CFAP206: variants seen among roughly 807,000 people sequenced by gnomAD.
CFAP206 encodes cilia- and flagella-associated protein 206.
A neutral mutation model predicts 65.4 loss-of-function variants in CFAP206; 53 were observed. The observed-to-expected ratio is 0.81, with a 90% CI of 0.65 to 1.02. The LOEUF is 1.02. Ranked by LOEUF, CFAP206 falls within the 50% of genes least tolerant of loss-of-function variation. The pLI is 0.00. For synonymous variants in CFAP206, 250 were observed against 254.4 expected (o/e 0.98, Z 0.17); for missense variants, 663 against 753.2 (o/e 0.88, Z 1.40).
intron 7 of CFAP206, among the ~76,000 whole-genome samples, chr6:87,419,316 A>G (rs1767898748): frequency 6.6e-6 from 1 of 152,176 alleles, no homozygotes; most frequent in South Asian, 2.1e-4. Flanking sequence ...CAAGCCAAAC[A>G]GTATCCCTAG....
Position 87,415,800 on chromosome 6 carries a change from A to C in CFAP206, c.398A>C (p.Lys133Thr), listed in dbSNP as rs773419616. 3 of 1,613,624 alleles carry C rather than the reference A, an allele frequency of 1.9e-6. No homozygotes were observed. Among genetic ancestry groups the C allele is most frequent in the Non-Finnish European group, 1.7e-6 (2 of 1,179,732 alleles). The stretch of plus-strand genomic sequence containing the variant: ...GAAGAATTGGAAAGCCTCTACCGGA[A>C]GATTATCAGCTATGTGTTACTCCGC... The part of the protein sequence containing the change: ...AKEELESLYR[K>T]IISYVLLRSG... The change falls in exon 5 of 13, where the codon AAG becomes ACG. Residue 133 changes from lysine to threonine, a missense_variant. Physicochemically the swap from Lys to Thr is moderately conservative, Grantham distance 78. Coordinates refer to ENST00000369562, the MANE Select transcript of CFAP206 (RefSeq NM_001031743.3).
In CFAP206 at chr6:87,464,248, T is replaced by G; in HGVS notation, c.1867T>G (p.Ter623GluextTer6). Residue 623 changes from the stop codon to glutamate (E), a stop_lost, in exon 13 of 13, where the codon TAA (stop) becomes GAA (glutamate). Coordinates refer to ENST00000369562, the MANE Select transcript of CFAP206 (RefSeq NM_001031743.3). ...CTTAACTAGAGATGTGGATGAAACC[T>G]AATTACAGACAACGTTTTAAAATAG... ...VNLTRDVDET[*>E] The G allele has an allele frequency of 6.2e-7, 1 of 1,610,344 alleles. No homozygotes were observed. Among genetic ancestry groups the G allele is most frequent in the South Asian group, 1.1e-5 (1 of 90,786 alleles).
intron 11 of CFAP206, among the ~76,000 whole-genome samples, chr6:87,453,472 C>A (rs1031138892): frequency 6.6e-6 from 1 of 152,002 alleles, no homozygotes; most frequent in Admixed American, 6.6e-5. Context: ...ATTCATATCT[C>A]GAGTAGGAAG....
chr6:87,416,153 A>G (rs1767827300), intron 5 of CFAP206, among the ~76,000 whole-genome samples: 2 of 152,188 alleles, frequency 1.3e-5, no homozygotes, highest in Admixed American at 1.3e-4. Context: ...AAACATTGAT[A>G]GTAGGATTGA....
intron 11 of CFAP206, among the ~76,000 whole-genome samples, chr6:87,455,545 T>C (rs1768623149): frequency 6.6e-6 from 1 of 151,092 alleles, no homozygotes; most frequent in African/African-American, 2.4e-5. Flanking sequence ...ATATAAAAGA[T>C]CAATAAAATG....
intron 11 of CFAP206, among the ~76,000 whole-genome samples, chr6:87,446,972 A>G (rs1768452936): frequency 6.6e-6 from 1 of 152,072 alleles, no homozygotes; most frequent in African/African-American, 2.4e-5. Flanking sequence ...ATGGAAGTTC[A>G]TATCATGGTT....
intron 5 of CFAP206, 105 bp from the exon 6 acceptor site, chr6:87,416,564 G>T: frequency 3.1e-6 from 3 of 971,924 alleles, no homozygotes; most frequent in Non-Finnish European, 2.9e-6. Flanking sequence ...AATCATATAA[G>T]TAACTCAGAC....
rs1021504545 is a variant in CFAP206, at chr6:87,408,057, C to T, written c.-38C>T. On this transcript the variant is annotated 5_prime_UTR_variant, in exon 1 of 13. Coordinates refer to ENST00000369562, the MANE Select transcript of CFAP206 (RefSeq NM_001031743.3). ...GTGAGGGCCCCAGGACAGAAGCAGA[C>T]AGACACGGCTCCTGCTGTCGATTCC... The T allele has an allele frequency of 2.0e-5, 20 of 985,378 alleles. No individual in the cohort carries two copies. The highest frequency in any genetic ancestry group is 6.1e-5 in the Admixed American group (1 of 16,278). The allele number at this position is 985,378 out of a possible 1,614,324, so 61.0% of individuals were successfully genotyped here. A position where few individuals can be genotyped will look rare whatever the true frequency, so the allele number is the denominator to read the frequency against.
intron 12 of CFAP206, among the ~76,000 whole-genome samples, chr6:87,461,894 C>T (rs1220314823): frequency 6.6e-6 from 1 of 152,096 alleles, no homozygotes; most frequent in African/African-American, 2.4e-5. Context: ...TCAAAGCATG[C>T]AGGGGAGTGG....
rs111252284 is a variant in CFAP206 at position 87,422,759 on chromosome 6, A to C, written c.841-3767A>C. Among the ~76,000 whole-genome samples the C allele has an allele frequency of 1.1e-3, 169 of 151,330 alleles. 1 individual carries two copies. Among genetic ancestry groups the C allele is most frequent in the African/African-American group, 3.6e-3 (149 of 41,184 alleles). ...GAGTGAGACTCTGTCTCAAAAAAAAAAAAACAAAACAAACAAAAAAACAAC... is the reference window on the plus strand; with the variant it reads ...GAGTGAGACTCTGTCTCAAAAAAAACAAAACAAAACAAACAAAAAAACAAC... On this transcript the variant is annotated intron_variant, in intron 7 of 12. Coordinates refer to ENST00000369562, the MANE Select transcript of CFAP206 (RefSeq NM_001031743.3).
intron 7 of CFAP206, among the ~76,000 whole-genome samples, chr6:87,421,113 C>A (rs1412837865): frequency 6.6e-6 from 1 of 152,178 alleles, no homozygotes; most frequent in Non-Finnish European, 1.5e-5. Context: ...ATTATTTGAA[C>A]TAATTAAAAA....
At chr6:87,454,101 A>G (rs552852529) in intron 11 of CFAP206, among the ~76,000 whole-genome samples, 1 of 152,364 alleles carries the variant, frequency 6.6e-6, no homozygotes, top group African/African-American at 2.4e-5. Flanking sequence ...TACTTGTATC[A>G]GATAAAATAG....
chr6:87,444,526 G>T (rs140850857), intron 11 of CFAP206: 397 of 277,674 alleles, frequency 1.4e-3, no homozygotes, highest in African/African-American at 8.1e-3. Context: ...TCTGGACCCT[G>T]TATGGCTGCA....
At chr6:87,414,291 C>T (rs1202117948) in intron 4 of CFAP206, among the ~76,000 whole-genome samples, 1 of 152,004 alleles carries the variant, frequency 6.6e-6, no homozygotes, top group Non-Finnish European at 1.5e-5. Context: ...GTTTAGAAAA[C>T]GTTTCAATAT....
Position 87,413,067 on chromosome 6 carries a change from T to TA in CFAP206, c.193-743_193-742insA, listed in dbSNP as rs1269211481. Among the ~76,000 whole-genome samples, 9 of 152,308 alleles carry TA rather than the reference T, an allele frequency of 5.9e-5. No individual in the cohort carries two copies. The East Asian group carries it at 7.7e-4, about 13-fold the overall frequency. The stretch of plus-strand genomic sequence containing the variant: ...ACTGGAATATAAGCTTTGTGGAACA[T>TA]TTACCCACATTTAGACTGCTCAAAC... On this transcript the variant is annotated intron_variant, in intron 3 of 12. Coordinates refer to ENST00000369562, the MANE Select transcript of CFAP206 (RefSeq NM_001031743.3).
At chr6:87,414,177 A>C (rs1767786154) in intron 4 of CFAP206, among the ~76,000 whole-genome samples, 1 of 152,238 alleles carries the variant, frequency 6.6e-6, no homozygotes, top group Non-Finnish European at 1.5e-5. Flanking sequence ...ATTGAAGTTA[A>C]AAGTTTTTAA....
chr6:87,457,644 C>T (rs1367131664), intron 11 of CFAP206, among the ~76,000 whole-genome samples: 1 of 152,178 alleles, frequency 6.6e-6, no homozygotes, highest in Admixed American at 6.5e-5. Context: ...GACCCTATCT[C>T]TCGCCATATA....
chr6:87,463,935 G>A, intron 12 of CFAP206, 85 bp from the exon 13 acceptor site: 1 of 988,362 alleles, frequency 1.0e-6, no homozygotes. Flanking sequence ...GACAAAAATA[G>A]GCAGATATTA....
rs113424187 is a variant in CFAP206, at chr6:87,444,602, A to G, written c.1494+9549A>G. On this transcript the variant is annotated intron_variant, in intron 11 of 12. Transcript: ENST00000369562. The stretch of plus-strand genomic sequence containing the variant: ...TTCCTGCCATTCCAGGCATTCCTTC[A>G]TGAACATTAACAGGCCTTCCCACAG... 5.8e-3 allele frequency: 1,821 copies of G among 311,394 alleles called. 37 individuals are homozygous for G. The highest frequency in any genetic ancestry group is 0.038 in the African/African-American group (1,713 of 45,106). The allele number at this position is 311,394 out of a possible 1,614,324, so 19.3% of individuals were successfully genotyped here. A position where few individuals can be genotyped will look rare whatever the true frequency, so the allele number is the denominator to read the frequency against.
Sources: allele counts gnomAD v4.1 joint callset (sites outside exome capture counted in the v4.1 genomes callset), GRCh38; gene constraint gnomAD v4.1.1; transcripts MANE v1.5; gene names NCBI Gene and HGNC (gene_info 2026-07-23, HGNC 2026-07-21).